The following ASPSCR1 variants were observed in gnomAD, a reference collection of about 807,000 sequenced individuals.
ASPSCR1 encodes tether containing UBX domain for GLUT4.
A neutral mutation model predicts 68.9 loss-of-function variants in ASPSCR1; 55 were observed. That is an observed-to-expected ratio of 0.80 (90% confidence interval 0.64 to 1.00). The LOEUF is 1.00. Among genes scored for constraint, ASPSCR1 ranks in the 50% least tolerant of loss-of-function variants. The pLI, the probability that ASPSCR1 is intolerant of heterozygous loss-of-function variation, is 0.00. For synonymous variants in ASPSCR1, 352 were observed against 332.6 expected (o/e 1.06, Z -0.63); for missense variants, 765 against 762.2 (o/e 1.00, Z -0.04).
At chr17:82,002,327 C>T (rs914631525) in intron 7 of ASPSCR1, among the ~76,000 whole-genome samples, 3 of 151,206 alleles carry the variant, frequency 2.0e-5, no homozygotes, top group African/African-American at 7.3e-5. Context: ...GGCACGATCT[C>T]GGCTCACTGC....
intron 7 of ASPSCR1, among the ~76,000 whole-genome samples, chr17:82,000,920 TC>T (rs1344130971): frequency 2.0e-5 from 3 of 151,402 alleles, no homozygotes; most frequent in African/African-American, 7.3e-5. Flanking sequence ...CAACTCGGCC[TC>T]CCGGCAGCTG....
At position 81,987,094 on chromosome 17, in the gene ASPSCR1, G is replaced by A. The variant is rs1282253100; in HGVS notation, c.374+1487G>A. Reference sequence around the variant, plus strand: ...AGATGACGGAGCCTAAGAGCAAAGCGAAGCCACGGGCAGGGGTGAGCGGGA... The same window carrying A: ...AGATGACGGAGCCTAAGAGCAAAGCAAAGCCACGGGCAGGGGTGAGCGGGA... On this transcript the variant is annotated intron_variant, in intron 4 of 15. Transcript: ENST00000306739. The surrounding 1 kb of genome is among the most constrained non-coding windows in gnomAD (Gnocchi z 5.6). Among the ~76,000 whole-genome samples the A allele has an allele frequency of 4.7e-5, 7 of 147,966 alleles. No homozygotes were observed. Among genetic ancestry groups the A allele is most frequent in the South Asian group, 2.1e-4 (1 of 4,668 alleles).
chr17:81,978,318 C>A, intron 1 of ASPSCR1: 1 of 152,234 alleles, frequency 6.6e-6, no homozygotes, highest in South Asian at 2.1e-4. Flanking sequence ...GTCAAGAGAT[C>A]AAGACCATCC....
chr17:82,002,432 CT>C (rs1474157484), intron 7 of ASPSCR1, among the ~76,000 whole-genome samples: 1 of 151,548 alleles, frequency 6.6e-6, no homozygotes, highest in Non-Finnish European at 1.5e-5. Context: ...TTTCTGTGTT[CT>C]TTGTAGAGAA....
In ASPSCR1 at chr17:82,016,893, C is replaced by T. The variant is rs373834783; in HGVS notation, c.1475+24C>T. ...AGGTAAGTGCCGGTGGGTCTGGGGGCACCTCCCGTGGCGGCACTCACCACT... is the reference window on the plus strand; with the variant it reads ...AGGTAAGTGCCGGTGGGTCTGGGGGTACCTCCCGTGGCGGCACTCACCACT... On this transcript the variant is annotated intron_variant, in intron 14 of 15. Transcript: ENST00000306739. The T allele has an allele frequency of 3.6e-5, 58 of 1,612,278 alleles. No individual in the cohort carries two copies. The African/African-American group carries it at 7.1e-4, about 20-fold the overall frequency.
chr17:82,009,727 G>A (rs182966848), intron 9 of ASPSCR1, among the ~76,000 whole-genome samples, 160 bp downstream of exon 9: 1 of 150,880 alleles, frequency 6.6e-6, no homozygotes, highest in Non-Finnish European at 1.5e-5. Flanking sequence ...CTCTGAGCGG[G>A]CCCCCTGTGA....
At chr17:82,017,280 G>A in intron 15 of ASPSCR1, 29 bp from the exon 16 acceptor site, 3 of 1,610,520 alleles carry the variant, frequency 1.9e-6, no homozygotes, top group Non-Finnish European at 1.7e-6. Flanking sequence ...CCCGGGGTGT[G>A]TGGTCACCCT....
rs1760537965 is a variant in ASPSCR1, at chr17:81,990,155, C to CTCA, written c.374+4549_374+4551dup. On this transcript the variant is annotated intron_variant, in intron 4 of 15. Coordinates refer to ENST00000306739, the MANE Select transcript of ASPSCR1 (RefSeq NM_024083.4). This position sits in a 1 kb window ranked among gnomAD's most constrained non-coding sequence, Gnocchi z 4.1. ...TAATTTTAGTAATACGTGTAGTTAA[C>CTCA]TCAGTATACCCAAAATACGACTTCC... Among the ~76,000 whole-genome samples, 1 of 152,206 alleles carries CTCA rather than the reference C, an allele frequency of 6.6e-6. No homozygotes were observed. Among genetic ancestry groups the CTCA allele is most frequent in the African/African-American group, 2.4e-5 (1 of 41,436 alleles).
rs749810397 is a variant in ASPSCR1, at chr17:82,017,038, C to G, written c.1573C>G (p.Pro525Ala). The change falls in exon 15 of 16, where the codon CCT becomes GCT. Residue 525 changes from proline (P) to alanine (A), a missense_variant. Coordinates refer to ENST00000306739, the MANE Select transcript of ASPSCR1 (RefSeq NM_024083.4). ...PAAEEGALVP[P>A]EPIPGTAQPV... ...TGCTGAGGAGGGGGCGCTGGTCCCC[C>G]CTGAGCCCATCCCAGGGACGGCCCA... 32 of 1,612,026 alleles carry G rather than the reference C, an allele frequency of 2.0e-5. No individual in the cohort carries two copies. Among genetic ancestry groups the G allele is most frequent in the African/African-American group, 1.2e-4 (9 of 74,932 alleles).
In ASPSCR1 at chr17:81,983,760, G is replaced by A; in HGVS notation, c.273+92G>A. On this transcript the variant is annotated intron_variant, in intron 3 of 15. Coordinates refer to ENST00000306739, the MANE Select transcript of ASPSCR1 (RefSeq NM_024083.4). The surrounding 1 kb of genome is among the most constrained non-coding windows in gnomAD (Gnocchi z 4.4). ...GGACGGGACAGTGGGGGGTGCTGGG[G>A]AAGGAGGGACATGAGTCTTAGCACC... is the stretch of plus-strand genomic sequence containing the variant. The A allele has an allele frequency of 9.0e-7, 1 of 1,108,368 alleles. No homozygotes were observed. The highest frequency in any genetic ancestry group is 2.6e-5 in the East Asian group (1 of 38,894). 68.7% of individuals were successfully genotyped at this position (1,108,368 alleles called of 1,614,324 possible).
rs1323891793 is a variant in ASPSCR1 at position 81,977,678 on chromosome 17, C to T, written c.32C>T (p.Ala11Val). 2.1e-6 allele frequency: 3 copies of T among 1,397,808 alleles called. No homozygotes were observed. Among genetic ancestry groups the T allele is most frequent in the African/African-American group, 1.5e-5 (1 of 66,756 alleles). The allele number at this position is 1,397,808 out of a possible 1,614,324, so 86.6% of individuals were successfully genotyped here. A position where few individuals can be genotyped will look rare whatever the true frequency, so the allele number is the denominator to read the frequency against. Residue 11 changes from alanine to valine, a missense_variant, in exon 1 of 16, where the codon GCG (alanine) becomes GTG (valine). Coordinates refer to ENST00000306739, the MANE Select transcript of ASPSCR1 (RefSeq NM_024083.4). This position sits in a 1 kb window ranked among gnomAD's most constrained non-coding sequence, Gnocchi z 5.0. ...GCCCCGGCAGGCGGCGGAGGCTCCG[C>T]GGTGTCGGTGCTGGCCCCGAACGGC... MAAPAGGGGSAVSVLAPNGRR... is the reference protein window; with the variant it reads MAAPAGGGGSVVSVLAPNGRR...
Position 81,991,394 on chromosome 17 carries a change from G to A in ASPSCR1, c.375-3427G>A, listed in dbSNP as rs543097423. ...TAGGTAAAGCCGTGGCTCCGGGAAA[G>A]CTGGGTGATTTCTGCAGCCCTCTGG... On this transcript the variant is annotated intron_variant, in intron 4 of 15. Transcript: ENST00000306739. Among the ~76,000 whole-genome samples, 80 of 152,330 alleles carry A rather than the reference G, an allele frequency of 5.3e-4. 1 individual carries two copies. Among genetic ancestry groups the A allele is most frequent in the African/African-American group, 1.9e-3 (78 of 41,576 alleles).
intron 4 of ASPSCR1, among the ~76,000 whole-genome samples, chr17:81,991,549 C>G (rs1263793361): frequency 6.6e-6 from 1 of 152,184 alleles, no homozygotes; most frequent in Admixed American, 6.5e-5. Context: ...CGGCCCGTCC[C>G]TGTCCATCCC....
Position 81,987,636 on chromosome 17 carries a change from C to T in ASPSCR1, c.374+2029C>T, listed in dbSNP as rs1567960969. ...AGAGGTGGGGCCGGCATTGTGGTAGCATAAGCCTCTTCAACAGACTTTGTA... is the reference window on the plus strand; with the variant it reads ...AGAGGTGGGGCCGGCATTGTGGTAGTATAAGCCTCTTCAACAGACTTTGTA... On this transcript the variant is annotated intron_variant, in intron 4 of 15. Coordinates refer to ENST00000306739, the MANE Select transcript of ASPSCR1 (RefSeq NM_024083.4). This position sits in a 1 kb window ranked among gnomAD's most constrained non-coding sequence, Gnocchi z 5.6. Among the ~76,000 whole-genome samples, 1 of 152,150 alleles carries T rather than the reference C, an allele frequency of 6.6e-6. No individual in the cohort carries two copies. Among genetic ancestry groups the T allele is most frequent in the Non-Finnish European group, 1.5e-5 (1 of 68,028 alleles).
chr17:82,016,589 C>T (rs978636467), intron 13 of ASPSCR1, 62 bp downstream of exon 13: 22 of 1,543,938 alleles, frequency 1.4e-5, no homozygotes, highest in Non-Finnish European at 1.9e-5. Flanking sequence ...GACCTCAGAG[C>T]CAGCTGCCCG....
At chr17:82,001,874 G>C (rs907829413) in intron 7 of ASPSCR1, among the ~76,000 whole-genome samples, 2 of 152,028 alleles carry the variant, frequency 1.3e-5, no homozygotes, top group African/African-American at 2.4e-5. Flanking sequence ...GTGTTGGTGC[G>C]CTTTATCCAC....
chr17:81,984,753 C>T (rs930684885), intron 3 of ASPSCR1, among the ~76,000 whole-genome samples: 15 of 151,720 alleles, frequency 9.9e-5, no homozygotes, highest in Non-Finnish European at 7.4e-5. Flanking sequence ...ACAGTTCACT[C>T]CTGTGGCGCC....
rs555234059 is a variant in ASPSCR1 at position 81,993,187 on chromosome 17, C to T, written c.375-1634C>T. 2.6e-5 allele frequency among the ~76,000 whole-genome samples: 4 copies of T among 152,160 alleles called. No individual in the cohort carries two copies. In the East Asian group the frequency reaches 5.8e-4, roughly 22 times the overall value. On this transcript the variant is annotated intron_variant, in intron 4 of 15. Coordinates refer to ENST00000306739, the MANE Select transcript of ASPSCR1 (RefSeq NM_024083.4). ...TTGGTCTGTTCTCATTTCAGGGAGG[C>T]AAGTCCTGCCCTTTTTTTTGTTTTG...
chr17:81,995,622 C>T, intron 5 of ASPSCR1: 1 of 432,874 alleles, frequency 2.3e-6, no homozygotes, highest in Non-Finnish European at 4.2e-6. Flanking sequence ...CCAGGAATGG[C>T]CACCCCCGTG....
Sources: gnomAD v4.1 joint callset for allele counts (sites outside exome capture counted in the v4.1 genomes callset) on GRCh38, gnomAD v4.1.1 for gene constraint, Gnocchi (gnomAD v3.1) non-coding constraint, MANE v1.5 for transcripts, NCBI Gene and HGNC (gene_info 2026-07-23, HGNC 2026-07-21) for gene names.